RBFOX1: variants seen among roughly 807,000 people sequenced by gnomAD.
The protein encoded by RBFOX1 is RNA binding protein fox-1 homolog 1.
A neutral mutation model predicts 57.7 loss-of-function variants in RBFOX1; 8 were observed. The ratio of observed to expected loss-of-function variants is 0.14; its 90% CI spans 0.08 to 0.25. The LOEUF (loss-of-function observed/expected upper bound fraction) is 0.25, where lower values mean the gene tolerates loss of function less well. Among genes scored for constraint, RBFOX1 ranks in the 10% least tolerant of loss-of-function variants. The pLI is 1.00. For synonymous variants in RBFOX1, 326 were observed against 222.4 expected (o/e 1.47, Z -4.15); for missense variants, 611 against 548.5 (o/e 1.11, Z -1.14).
At chr16:6,972,720 T>C (rs963468953) in intron 3 of RBFOX1, among the ~76,000 whole-genome samples, 1 of 152,122 alleles carries the variant, frequency 6.6e-6, no homozygotes, top group African/African-American at 2.4e-5. Flanking sequence ...GGTGGTCTCA[T>C]GCGAAAGTAT....
rs112230336 is a variant in RBFOX1 at position 6,772,456 on chromosome 16, G to A, written c.-16+117806G>A. ...TGTGTGTGTGTGTATGTATGTGTGG[G>A]CATGGGGTGCATTTGTATGTGTATG... On this transcript the variant is annotated intron_variant, in intron 3 of 15. Coordinates refer to ENST00000550418, the MANE Select transcript of RBFOX1 (RefSeq NM_018723.4). Among the ~76,000 whole-genome samples, 319 of 151,706 alleles carry A rather than the reference G, an allele frequency of 2.1e-3. 4 individuals are homozygous for A. Among genetic ancestry groups the A allele is most frequent in the African/African-American group, 4.5e-3 (185 of 41,292 alleles).
At chr16:6,205,761 C>A (rs1236564186) in intron 1 of RBFOX1, among the ~76,000 whole-genome samples, 1 of 150,134 alleles carries the variant, frequency 6.7e-6, no homozygotes, top group Admixed American at 6.7e-5. Flanking sequence ...TATTTCTAGA[C>A]TTTTTTTCTG....
chr16:5,970,396 C>G (rs2059938658), intron 4 of RBFOX1, among the ~76,000 whole-genome samples: 1 of 152,022 alleles, frequency 6.6e-6, no homozygotes, highest in Admixed American at 6.6e-5. Context: ...GGGTGAGTGG[C>G]TTGCTTATGG....
intron 3 of RBFOX1, among the ~76,000 whole-genome samples, chr16:6,900,317 C>A (rs1248207233): frequency 1.3e-5 from 2 of 152,184 alleles, no homozygotes; most frequent in Non-Finnish European, 2.9e-5. Context: ...TTCCAAGTTG[C>A]CATCATCTCC....
intron 1 of RBFOX1, among the ~76,000 whole-genome samples, chr16:6,133,928 A>G (rs980265531): frequency 1.3e-5 from 2 of 151,614 alleles, no homozygotes; most frequent in African/African-American, 4.8e-5. Flanking sequence ...TATAATTTGT[A>G]ATTTCTTTCT....
chr16:6,057,187 G>A (rs1407536086), intron 1 of RBFOX1: 4 of 152,076 alleles, frequency 2.6e-5, no homozygotes, highest in Admixed American at 2.6e-4. Flanking sequence ...TTGCATGGAG[G>A]CTAAGTACTA....
intron 2 of RBFOX1, among the ~76,000 whole-genome samples, chr16:6,378,235 G>A (rs564490054): frequency 4.5e-4 from 68 of 152,276 alleles, no homozygotes; most frequent in African/African-American, 1.5e-3. Flanking sequence ...TCCATCTGCC[G>A]CACACTCGGG....
At chr16:6,665,374 G>A (rs903323003) in intron 3 of RBFOX1, among the ~76,000 whole-genome samples, 2 of 152,198 alleles carry the variant, frequency 1.3e-5, no homozygotes, top group African/African-American at 2.4e-5. Context: ...AGCCCTTTGG[G>A]AGGCCCAGGT....
chr16:7,695,608 C>T (rs768182038), intron 14 of RBFOX1, among the ~76,000 whole-genome samples: 8 of 146,596 alleles, frequency 5.5e-5, no homozygotes, highest in Non-Finnish European at 7.4e-5. Flanking sequence ...GCAGAGACTG[C>T]GCCACTGCAC....
intron 10 of RBFOX1, among the ~76,000 whole-genome samples, chr16:7,613,500 C>A (rs1238666248): frequency 1.3e-5 from 2 of 152,112 alleles, no homozygotes; most frequent in Non-Finnish European, 2.9e-5. Flanking sequence ...TGACTTGATG[C>A]TGGGCTAGGT....
chr16:5,268,559 C>T (rs1431115679), intron 1 of RBFOX1, among the ~76,000 whole-genome samples: 1 of 152,336 alleles, frequency 6.6e-6, no homozygotes, highest in Non-Finnish European at 1.5e-5. Context: ...CTTCTTCCTC[C>T]ACGATTGGAG....
At chr16:6,713,842 G>A (rs1568323001) in intron 3 of RBFOX1, among the ~76,000 whole-genome samples, 1 of 152,186 alleles carries the variant, frequency 6.6e-6, no homozygotes. Context: ...TAGGGTGATG[G>A]CAAGATCCTT....
chr16:7,561,607 C>G (rs568271543), intron 5 of RBFOX1, among the ~76,000 whole-genome samples: 146 of 152,296 alleles, frequency 9.6e-4, no homozygotes, highest in African/African-American at 3.4e-3. Flanking sequence ...AATGATATCT[C>G]CATGTCTCAG....
At chr16:6,895,819 T>G (rs1038561014) in intron 3 of RBFOX1, among the ~76,000 whole-genome samples, 12 of 152,072 alleles carry the variant, frequency 7.9e-5, no homozygotes, top group Admixed American at 1.3e-4. Flanking sequence ...TTGAGCAATT[T>G]GTTTAAACCT....
chr16:7,251,190 C>G (rs1022203010), intron 4 of RBFOX1, among the ~76,000 whole-genome samples: 8 of 152,116 alleles, frequency 5.3e-5, no homozygotes, highest in Non-Finnish European at 1.5e-5. Context: ...ACCCCAGCCC[C>G]TGGTAAGCAA....
intron 1 of RBFOX1, among the ~76,000 whole-genome samples, chr16:6,276,903 T>C (rs1013629125): frequency 1.3e-5 from 2 of 152,180 alleles, no homozygotes; most frequent in Non-Finnish European, 2.9e-5. Context: ...TTGTGCTTTA[T>C]ATTCGGTACT....
intron 1 of RBFOX1, among the ~76,000 whole-genome samples, chr16:6,259,196 G>A (rs2097686887): frequency 6.6e-6 from 1 of 152,126 alleles, no homozygotes. Context: ...ATCACCCATT[G>A]CTTATTTACT....
chr16:5,285,597 C>T (rs8045077), intron 1 of RBFOX1, among the ~76,000 whole-genome samples: 50,597 of 152,006 alleles, frequency 0.33, 8,893 homozygotes, highest in Admixed American at 0.47. Flanking sequence ...TTTATGGATT[C>T]GCTTTTATAG....
At position 6,193,373 on chromosome 16, in the gene RBFOX1, T is replaced by TAC. The variant is rs1491068377; in HGVS notation, c.-126-123621_-126-123620insCA. Among the ~76,000 whole-genome samples the TAC allele has an allele frequency of 9.4e-5, 7 of 74,862 alleles. No individual in the cohort carries two copies. In the South Asian group the frequency reaches 2.3e-3, roughly 25 times the overall value. 49.1% of individuals were successfully genotyped at this position (74,862 alleles called of 152,430 possible). ...TATATACATTATATATATATATATA[T>TAC]ATACATTATATATATATACTATATA... On this transcript the variant is annotated intron_variant, in intron 1 of 15. Coordinates refer to ENST00000550418, the MANE Select transcript of RBFOX1 (RefSeq NM_018723.4).
Sources: gnomAD v4.1 joint callset for allele counts (sites outside exome capture counted in the v4.1 genomes callset) on GRCh38, gnomAD v4.1.1 for gene constraint, MANE v1.5 for transcripts, NCBI Gene and HGNC (gene_info 2026-07-23, HGNC 2026-07-21) for gene names.